The following ADD2 variants were observed in gnomAD, a reference collection of about 807,000 sequenced individuals.
ADD2 encodes the protein adducin 2.
ADD2 carries 23 observed loss-of-function variants against 83.0 expected under a neutral mutation model. The ratio of observed to expected loss-of-function variants is 0.28; its 90% confidence interval spans 0.20 to 0.39. The LOEUF is 0.39. Among genes scored for constraint, ADD2 ranks in the 10% least tolerant of loss-of-function variants. The pLI is 1.00. For missense variants in ADD2, 758 were observed against 944.9 expected (o/e 0.80, Z 2.59); for synonymous variants, 375 against 375.4 (o/e 1.00, Z 0.01).
chr2:70,763,813 T>G (rs1211654049), intron 1 of ADD2, among the ~76,000 whole-genome samples: 3 of 151,890 alleles, frequency 2.0e-5, no homozygotes, highest in African/African-American at 7.3e-5. Flanking sequence ...TCACAGCTAG[T>G]AAGTAGAAAA....
chr2:70,726,806 C>T (rs181255097), intron 1 of ADD2, among the ~76,000 whole-genome samples: 2 of 152,236 alleles, frequency 1.3e-5, no homozygotes, highest in African/African-American at 4.8e-5. Flanking sequence ...GTAGCTTTAC[C>T]CACTAAAACA....
intron 2 of ADD2, among the ~76,000 whole-genome samples, chr2:70,709,245 G>A (rs552449055): frequency 2.0e-5 from 3 of 151,964 alleles, no homozygotes; most frequent in East Asian, 1.9e-4. Flanking sequence ...ACTTACCAGC[G>A]GTGTTGACAA....
At chr2:70,666,873 C>A (rs1675822223) in intron 15 of ADD2, among the ~76,000 whole-genome samples, 2 of 152,192 alleles carry the variant, frequency 1.3e-5, no homozygotes, top group African/African-American at 4.8e-5. Context: ...TTTGAGGAGT[C>A]ATAGCAAATG....
chr2:70,715,569 C>A (rs1258186689), intron 1 of ADD2, among the ~76,000 whole-genome samples: 2 of 152,276 alleles, frequency 1.3e-5, no homozygotes, highest in Admixed American at 1.3e-4. Context: ...GGTGTGCAGT[C>A]AAGCTGGGCT....
At chr2:70,756,508 TACTGA>T (rs1262955217) in intron 1 of ADD2, among the ~76,000 whole-genome samples, 1 of 152,254 alleles carries the variant, frequency 6.6e-6, no homozygotes, top group Non-Finnish European at 1.5e-5. Context: ...CTCAGTCAGA[TACTGA>T]ACACTGTTAG....
intron 4 of ADD2, among the ~76,000 whole-genome samples, chr2:70,703,870 G>T (rs1170924175): frequency 6.6e-6 from 1 of 152,168 alleles, no homozygotes; most frequent in African/African-American, 2.4e-5. Flanking sequence ...ACAGTTTTCA[G>T]CCATAATCCT....
chr2:70,721,156 C>T (rs1398468950), intron 1 of ADD2, among the ~76,000 whole-genome samples: 1 of 152,200 alleles, frequency 6.6e-6, no homozygotes, highest in Non-Finnish European at 1.5e-5. Context: ...GATCTCTGCT[C>T]TCTAAATCTA....
chr2:70,669,815 TAG>T (rs1669827470), intron 15 of ADD2, among the ~76,000 whole-genome samples: 1 of 152,112 alleles, frequency 6.6e-6, no homozygotes, highest in Non-Finnish European at 1.5e-5. Context: ...GAAAAACATG[TAG>T]AGAGGCCGCA....
intron 9 of ADD2, among the ~76,000 whole-genome samples, chr2:70,685,210 A>G (rs1670654691): frequency 6.6e-6 from 1 of 152,210 alleles, no homozygotes; most frequent in Non-Finnish European, 1.5e-5. Flanking sequence ...TTTACTGGAA[A>G]TGAAAAAATC....
intron 15 of ADD2, among the ~76,000 whole-genome samples, chr2:70,664,901 T>G (rs1553365854): frequency 1.3e-5 from 2 of 152,024 alleles, no homozygotes; most frequent in African/African-American, 4.8e-5. Context: ...GAGTGGTATA[T>G]GAGTGTGGGA....
intron 14 of ADD2, among the ~76,000 whole-genome samples, chr2:70,674,291 G>C (rs1218802316): frequency 1.3e-5 from 2 of 152,188 alleles, no homozygotes; most frequent in Non-Finnish European, 2.9e-5. Context: ...GCGAGAAAAA[G>C]ACACAAAGGT....
At chr2:70,748,509 G>A (rs1272867130) in intron 1 of ADD2, among the ~76,000 whole-genome samples, 3 of 152,072 alleles carry the variant, frequency 2.0e-5, no homozygotes, top group African/African-American at 7.2e-5. Context: ...GCTCCTCATA[G>A]CAGGTCCATT....
chr2:70,724,272 C>T (rs1185205506), intron 1 of ADD2, among the ~76,000 whole-genome samples: 2 of 152,346 alleles, frequency 1.3e-5, no homozygotes, highest in Non-Finnish European at 2.9e-5. Flanking sequence ...GGAGCGAGGG[C>T]CTTAGCAGCT....
Position 70,768,082 on chromosome 2 carries a change from G to A in ADD2, c.-350C>T. The A allele has an allele frequency of 1.8e-6, 2 of 1,122,886 alleles. No homozygotes were observed. Among genetic ancestry groups the A allele is most frequent in the Non-Finnish European group, 2.5e-6 (2 of 809,666 alleles). 69.6% of individuals were successfully genotyped at this position (1,122,886 alleles called of 1,614,324 possible). A position where few individuals can be genotyped will look rare whatever the true frequency, so the allele number is the denominator to read the frequency against. ...GCAGTGCAGCGGCTCCGCGGCGGCG[G>A]GGATGACTGGCCACCGACGCCGCAG... On this transcript the variant is annotated 5_prime_UTR_variant, in exon 1 of 16. Transcript: ENST00000264436.
chr2:70,698,360 A>C (rs894081019), intron 4 of ADD2, among the ~76,000 whole-genome samples: 1 of 152,216 alleles, frequency 6.6e-6, no homozygotes, highest in Admixed American at 6.5e-5. Context: ...CCACAGGTAC[A>C]AGGGGCAGAA....
intron 15 of ADD2, among the ~76,000 whole-genome samples, chr2:70,671,253 C>T (rs918740455): frequency 4.6e-5 from 7 of 152,134 alleles, no homozygotes; most frequent in South Asian, 2.1e-4. Flanking sequence ...ACTCTACCAC[C>T]GGGAGTGCCC....
rs1216081584 is a variant in ADD2 at position 70,676,238 on chromosome 2, T to C, written c.1593+558A>G. On this transcript the variant is annotated intron_variant, in intron 13 of 15. Coordinates refer to ENST00000264436, the MANE Select transcript of ADD2 (RefSeq NM_001617.4). This position sits in a 1 kb window ranked among gnomAD's most constrained non-coding sequence, Gnocchi z 4.8. The stretch of plus-strand genomic sequence containing the variant: ...AAGCACTAGACAAAACACTGTTCTA[T>C]CTCAAGCACAAAAACAATTACAATA... 2 of 987,634 alleles carry C rather than the reference T, an allele frequency of 2.0e-6. No homozygotes were observed. The highest frequency in any genetic ancestry group is 1.7e-5 in the African/African-American group (1 of 57,348). The allele number at this position is 987,634 out of a possible 1,614,324, so 61.2% of individuals were successfully genotyped here.
intron 15 of ADD2, among the ~76,000 whole-genome samples, chr2:70,665,041 AGT>A (rs1553365908): frequency 1.3e-5 from 2 of 152,116 alleles, no homozygotes; most frequent in African/African-American, 4.8e-5. Flanking sequence ...ATATGAATGC[AGT>A]GTGTGTGTTG....
At chr2:70,702,970 T>C (rs1671676668) in intron 4 of ADD2, among the ~76,000 whole-genome samples, 1 of 151,890 alleles carries the variant, frequency 6.6e-6, no homozygotes, top group African/African-American at 2.4e-5. Flanking sequence ...CCACAAAAAA[T>C]ACAAAAATTA....
Sources: allele counts gnomAD v4.1 joint callset (sites outside exome capture counted in the v4.1 genomes callset), GRCh38; gene constraint gnomAD v4.1.1; non-coding constraint Gnocchi (gnomAD v3.1); transcripts MANE v1.5; gene names NCBI Gene and HGNC (gene_info 2026-07-23, HGNC 2026-07-21).